Variants in NCOA2 observed in about 807,000 individuals in gnomAD.
NCOA2 encodes nuclear receptor coactivator 2, also known as class E basic helix-loop-helix protein 75.
NCOA2 carries 21 observed loss-of-function variants against 145.1 expected under a neutral mutation model. The observed-to-expected ratio is 0.14, with a 90% CI of 0.10 to 0.21. The LOEUF is 0.21. NCOA2 is among the 10% of genes least tolerant of loss of function. The pLI, the probability that NCOA2 is intolerant of heterozygous loss-of-function variation, is 1.00. For missense variants in NCOA2, 1,472 were observed against 1,837.6 expected (o/e 0.80, Z 3.64); for synonymous variants, 619 against 637.5 (o/e 0.97, Z 0.44).
chr8:70,454,470 T>C, the NCOA2 span, among the ~76,000 whole-genome samples: 1 of 152,248 alleles, frequency 6.6e-6, no homozygotes, highest in East Asian at 1.9e-4. Context: ...AAACTGTATT[T>C]AGAGTCCCTA....
chr8:70,257,650 C>T (rs1823743508), intron 2 of NCOA2, among the ~76,000 whole-genome samples: 1 of 152,146 alleles, frequency 6.6e-6, no homozygotes, highest in African/African-American at 2.4e-5. Flanking sequence ...AAACCACCCC[C>T]GCCCCTTTCC....
At chr8:70,277,393 A>G (rs1825546889) in intron 2 of NCOA2, among the ~76,000 whole-genome samples, 1 of 152,180 alleles carries the variant, frequency 6.6e-6, no homozygotes, top group Non-Finnish European at 1.5e-5. Flanking sequence ...GAAACTCACA[A>G]TTCAGATGAG....
chr8:70,140,654 C>T (rs1810299124), intron 14 of NCOA2, among the ~76,000 whole-genome samples: 1 of 128,768 alleles, frequency 7.8e-6, no homozygotes, highest in Admixed American at 9.2e-5. Flanking sequence ...GGCTTGAGTG[C>T]AGTGGTGTCA....
Position 70,141,648 on chromosome 8 carries a change from TG to T in NCOA2, c.2813-250del, listed in dbSNP as rs1434759628. ...AAAAGCTATTAAAATTGTTCCCATT[TG>T]TACTTAGAAACAGGTGCCGTGGCGT... On this transcript the variant is annotated intron_variant, in intron 13 of 22. Transcript: ENST00000452400. Among the ~76,000 whole-genome samples the T allele has an allele frequency of 3.3e-5, 5 of 152,332 alleles. No homozygotes were observed. The South Asian group carries it at 1.0e-3, about 32-fold the overall frequency.
intron 2 of NCOA2, among the ~76,000 whole-genome samples, chr8:70,286,351 A>G (rs574218894): frequency 1.3e-5 from 2 of 152,342 alleles, no homozygotes; most frequent in South Asian, 2.1e-4. Flanking sequence ...ACTGCACTCC[A>G]GTCTGGTGAC....
intron 1 of NCOA2, among the ~76,000 whole-genome samples, chr8:70,390,564 G>A (rs921750685): frequency 6.6e-6 from 1 of 150,562 alleles, no homozygotes; most frequent in East Asian, 2.0e-4. Context: ...CCCAGTCCAA[G>A]ACCAGCCTGG....
At chr8:70,290,957 A>G (rs1826635427) in intron 2 of NCOA2, among the ~76,000 whole-genome samples, 1 of 152,228 alleles carries the variant, frequency 6.6e-6, no homozygotes, top group Non-Finnish European at 1.5e-5. Context: ...TGCCTTCCAA[A>G]GTGAAAGTGA....
At chr8:70,401,256 C>G (rs1586692809) in intron 1 of NCOA2, among the ~76,000 whole-genome samples, 1 of 152,140 alleles carries the variant, frequency 6.6e-6, no homozygotes, top group African/African-American at 2.4e-5. Context: ...TGACTGAACG[C>G]GCAATAAACA....
intron 1 of NCOA2, among the ~76,000 whole-genome samples, chr8:70,365,951 G>A (rs995460130): frequency 2.6e-5 from 4 of 152,198 alleles, no homozygotes; most frequent in Non-Finnish European, 5.9e-5. Flanking sequence ...TTTAATGACA[G>A]AAGGAAGAGA....
the NCOA2 span, among the ~76,000 whole-genome samples, chr8:70,412,647 C>CAAAAAAA: frequency 8.3e-5 from 4 of 48,260 alleles, no homozygotes; most frequent in East Asian, 4.5e-4. Context: ...TACTTCGTCT[C>CAAAAAAA]AAAAAAAAAA....
chr8:70,375,497 T>C (rs1811587918), intron 1 of NCOA2, among the ~76,000 whole-genome samples: 1 of 152,122 alleles, frequency 6.6e-6, no homozygotes, highest in South Asian at 2.1e-4. Context: ...CCCCTAAACA[T>C]AGATAGAAAT....
intron 2 of NCOA2, among the ~76,000 whole-genome samples, chr8:70,295,345 C>T (rs1238722621): frequency 6.6e-6 from 1 of 152,184 alleles, no homozygotes; most frequent in Non-Finnish European, 1.5e-5. Context: ...GCGATATAAA[C>T]TGGACAACTT....
chr8:70,132,120 T>C, intron 15 of NCOA2, 118 bp from the exon 16 acceptor site: 1 of 997,270 alleles, frequency 1.0e-6, no homozygotes, highest in Non-Finnish European at 1.5e-6. Flanking sequence ...AACAAACTAC[T>C]GTACCAACTC....
chr8:70,339,897 C>T (rs1807968020), intron 1 of NCOA2, among the ~76,000 whole-genome samples: 1 of 152,148 alleles, frequency 6.6e-6, no homozygotes, highest in South Asian at 2.1e-4. Flanking sequence ...ATGCAAAAAA[C>T]TGAAAGTGGA....
At chr8:70,276,380 T>A (rs747507769) in intron 2 of NCOA2, among the ~76,000 whole-genome samples, 108 of 152,134 alleles carry the variant, frequency 7.1e-4, no homozygotes, top group Non-Finnish European at 9.1e-4. Context: ...AAGAAGTAAA[T>A]TCAAAATATG....
intron 2 of NCOA2, among the ~76,000 whole-genome samples, chr8:70,229,321 GAATT>G (rs1248674778): frequency 2.6e-5 from 4 of 152,162 alleles, no homozygotes; most frequent in African/African-American, 9.7e-5. Context: ...TACAAGTATG[GAATT>G]AATTAACATA....
chr8:70,316,935 T>C (rs1024426512), intron 1 of NCOA2, among the ~76,000 whole-genome samples: 1 of 152,166 alleles, frequency 6.6e-6, no homozygotes, highest in Non-Finnish European at 1.5e-5. Flanking sequence ...TAAAGTCCCC[T>C]GTCTTCCTCA....
intron 22 of NCOA2, among the ~76,000 whole-genome samples, chr8:70,119,247 T>C (rs1402138178): frequency 1.3e-5 from 2 of 152,228 alleles, no homozygotes; most frequent in African/African-American, 4.8e-5. Flanking sequence ...TATCTATTTT[T>C]CCACTCTCTA....
intron 18 of NCOA2, 40 bp from the exon 19 acceptor site, chr8:70,127,087 C>CA (rs756750051): frequency 7.0e-7 from 1 of 1,427,454 alleles, no homozygotes; most frequent in Non-Finnish European, 9.7e-7. Context: ...ATGTCGGGGA[C>CA]AGACATAGAT....
Sources: gnomAD v4.1 joint callset for allele counts (sites outside exome capture counted in the v4.1 genomes callset) on GRCh38, gnomAD v4.1.1 for gene constraint, MANE v1.5 for transcripts, NCBI Gene and HGNC (gene_info 2026-07-23, HGNC 2026-07-21) for gene names.